The following CADM1 variants were observed in gnomAD, a reference collection of about 807,000 sequenced individuals.
The protein encoded by CADM1 is cell adhesion molecule 1.
Under a neutral mutation model 53.1 loss-of-function variants are expected in CADM1, and 15 were observed. The ratio of observed to expected loss-of-function variants is 0.28; its 90% CI spans 0.19 to 0.44. CADM1 has a LOEUF of 0.44. Ranked by LOEUF, CADM1 falls within the 20% of genes least tolerant of loss-of-function variation. CADM1 has a pLI of 1.00. For missense variants in CADM1, 434 were observed against 611.3 expected (o/e 0.71, Z 3.06); for synonymous variants, 281 against 243.0 (o/e 1.16, Z -1.45).
At chr11:115,403,335 G>T (rs1947211759) in intron 1 of CADM1, among the ~76,000 whole-genome samples, 1 of 152,190 alleles carries the variant, frequency 6.6e-6, no homozygotes, top group African/African-American at 2.4e-5. Flanking sequence ...GACATCACTA[G>T]TCAATGCAAT....
intron 1 of CADM1, among the ~76,000 whole-genome samples, chr11:115,272,823 A>C (rs1056146176): frequency 6.6e-6 from 1 of 151,536 alleles, no homozygotes; most frequent in Non-Finnish European, 1.5e-5. Context: ...TGGGTGCAGC[A>C]CACCAGCATG....
chr11:115,226,949 T>G (rs1226593253), intron 5 of CADM1, among the ~76,000 whole-genome samples: 1 of 152,198 alleles, frequency 6.6e-6, no homozygotes, highest in East Asian at 1.9e-4. Flanking sequence ...ACAGAGAGCC[T>G]TACTTAAGAT....
chr11:115,252,586 T>C lies in CADM1; in HGVS notation c.125-12166A>G, dbSNP rs190030147. On this transcript the variant is annotated intron_variant, in intron 1 of 11. Transcript: ENST00000331581. ...AGGGCAGAGGACCAGACATTTGGAA[T>C]TGCAATCTACAGCATTAAAAACATG... is the stretch of plus-strand genomic sequence containing the variant. Among the ~76,000 whole-genome samples, 4 of 152,348 alleles carry C rather than the reference T, an allele frequency of 2.6e-5. No individual in the cohort carries two copies. In the East Asian group the frequency reaches 5.8e-4, roughly 22 times the overall value.
chr11:115,255,873 G>GA (rs887881318), intron 1 of CADM1, among the ~76,000 whole-genome samples: 1 of 152,150 alleles, frequency 6.6e-6, no homozygotes. Context: ...ATGCACAAAT[G>GA]AAAAATCCTC....
chr11:115,240,163 A>T, intron 2 of CADM1, 111 bp downstream of exon 2: 1 of 980,028 alleles, frequency 1.0e-6, no homozygotes, highest in Admixed American at 2.0e-5. Flanking sequence ...AACTGACTAA[A>T]CTTTAAGCAT....
In CADM1 at chr11:115,504,329, G is replaced by C; in HGVS notation, c.66C>G (p.Pro22=). Residue 22 remains proline, a synonymous_variant, in exon 1 of 12, where the codon CCC becomes CCG. Transcript: ENST00000331581. The part of the protein sequence containing the change: ...CAAAAAAAAP[P]GLRLRLLLLL... The stretch of plus-strand genomic sequence containing the variant: ...ACAGCAGAAGCCGGAGCCGGAGCCC[G>C]GGAGGCGCCGCCGCCGCCGCTGCCG... The C allele has an allele frequency of 6.4e-7, 1 of 1,551,746 alleles. No individual in the cohort carries two copies. The highest frequency in any genetic ancestry group is 8.7e-7 in the Non-Finnish European group (1 of 1,148,058).
At chr11:115,325,395 G>T (rs1221251265) in intron 1 of CADM1, among the ~76,000 whole-genome samples, 2 of 152,106 alleles carry the variant, frequency 1.3e-5, no homozygotes, top group Non-Finnish European at 2.9e-5. Flanking sequence ...CAGGGTGCTT[G>T]GTCAAACTGC....
intron 3 of CADM1, among the ~76,000 whole-genome samples, chr11:115,235,427 G>A (rs765092117): frequency 6.6e-6 from 1 of 152,050 alleles, no homozygotes; most frequent in Non-Finnish European, 1.5e-5. Flanking sequence ...CACTAAACAG[G>A]CACATTTAGT....
At chr11:115,471,928 A>C (rs1949021008) in intron 1 of CADM1, among the ~76,000 whole-genome samples, 1 of 152,206 alleles carries the variant, frequency 6.6e-6, no homozygotes, top group African/African-American at 2.4e-5. Flanking sequence ...AGCAGGCATT[A>C]AAAAGGTGAA....
In CADM1 at chr11:115,174,060, TTTA is replaced by T. The variant is rs573662684; in HGVS notation, c.*2411_*2413del. Reference sequence around the variant, plus strand: ...CCATAATTTCCTGTTTTTGCTTTGTTTTATTATTATTTTTTCCAATGTGTGGGG... The same window carrying T: ...CCATAATTTCCTGTTTTTGCTTTGTTTTATTATTTTTTCCAATGTGTGGGG... On this transcript the variant is annotated 3_prime_UTR_variant, in exon 12 of 12. Coordinates refer to ENST00000331581, the MANE Select transcript of CADM1 (RefSeq NM_001301043.2). The T allele has an allele frequency of 2.4e-3, 2,346 of 978,188 alleles. 5 individuals carry two copies. Among genetic ancestry groups the T allele is most frequent in the Admixed American group, 2.7e-3 (44 of 16,168 alleles). 60.6% of individuals were successfully genotyped at this position (978,188 alleles called of 1,614,324 possible).
rs867791713 is a variant in CADM1 at position 115,345,944 on chromosome 11, T to A, written c.125-105524A>T. Among the ~76,000 whole-genome samples the A allele has an allele frequency of 2.6e-5, 4 of 152,240 alleles. 1 individual carries two copies. The highest frequency in any genetic ancestry group is 2.6e-4 in the Admixed American group (4 of 15,284). The stretch of plus-strand genomic sequence containing the variant: ...GCAATTATCTGAAAAGATAATAAAG[T>A]GAAGTCTTCATTAGGTTTCCAGGAT... On this transcript the variant is annotated intron_variant, in intron 1 of 11. Transcript: ENST00000331581.
intron 8 of CADM1, among the ~76,000 whole-genome samples, chr11:115,207,123 C>A (rs1487743095): frequency 6.6e-6 from 1 of 152,070 alleles, no homozygotes; most frequent in African/African-American, 2.4e-5. Context: ...TAGAAGATCA[C>A]ATCCATTAAG....
chr11:115,412,595 T>A (rs912922518), intron 1 of CADM1, among the ~76,000 whole-genome samples: 2 of 152,302 alleles, frequency 1.3e-5, no homozygotes, highest in South Asian at 4.1e-4. Context: ...GAACTTAGTA[T>A]AAGACAAATT....
At chr11:115,438,453 T>C (rs1010984247) in intron 1 of CADM1, among the ~76,000 whole-genome samples, 8 of 152,058 alleles carry the variant, frequency 5.3e-5, no homozygotes, top group Non-Finnish European at 1.2e-4. Flanking sequence ...CAACAGATGT[T>C]CTACAGGCAG....
rs1591574347 is a variant in CADM1 at position 115,176,234 on chromosome 11, G to A, written c.*240C>T. The A allele has an allele frequency of 4.0e-6, 5 of 1,265,368 alleles. No homozygotes were observed. The East Asian group carries it at 1.6e-4, about 42-fold the overall frequency. The allele number at this position is 1,265,368 out of a possible 1,614,324, so 78.4% of individuals were successfully genotyped here. On this transcript the variant is annotated 3_prime_UTR_variant, in exon 12 of 12. Coordinates refer to ENST00000331581, the MANE Select transcript of CADM1 (RefSeq NM_001301043.2). ...AATCCAAGTATCCAAGTTTGACTTG[G>A]TAGGAAGAAATAAAAATTAAACAAA...
At chr11:115,416,128 G>A (rs939063035) in intron 1 of CADM1, among the ~76,000 whole-genome samples, 16 of 152,190 alleles carry the variant, frequency 1.1e-4, no homozygotes, top group Non-Finnish European at 2.9e-5. Context: ...TAGCTCTTCC[G>A]CTGATAATGC....
intron 5 of CADM1, among the ~76,000 whole-genome samples, chr11:115,225,611 T>C (rs1222812513): frequency 2.0e-5 from 3 of 152,172 alleles, no homozygotes; most frequent in African/African-American, 7.2e-5. Flanking sequence ...AATTAGGACT[T>C]AAATCCACAA....
At position 115,232,013 on chromosome 11, in the gene CADM1, T is replaced by TAACAACAAC. The variant is rs1555045692; in HGVS notation, c.425-532_425-524dup. ...ATAATAATAATAATAATAATAATAA[T>TAACAACAAC]AACAACAACAACAACAACAACCAAT... On this transcript the variant is annotated intron_variant, in intron 3 of 11. Transcript: ENST00000331581. Among the ~76,000 whole-genome samples, 823 of 146,944 alleles carry TAACAACAAC rather than the reference T, an allele frequency of 5.6e-3. 2 individuals are homozygous for TAACAACAAC. Among genetic ancestry groups the TAACAACAAC allele is most frequent in the Non-Finnish European group, 7.4e-3 (490 of 65,774 alleles).
chr11:115,494,755 A>T (rs1949573807), intron 1 of CADM1, among the ~76,000 whole-genome samples: 1 of 152,184 alleles, frequency 6.6e-6, no homozygotes, highest in South Asian at 2.1e-4. Flanking sequence ...TTTTAATAAA[A>T]GTGATTGATA....
Sources: gnomAD v4.1 joint callset for allele counts (sites outside exome capture counted in the v4.1 genomes callset) on GRCh38, gnomAD v4.1.1 for gene constraint, MANE v1.5 for transcripts, NCBI Gene and HGNC (gene_info 2026-07-23, HGNC 2026-07-21) for gene names.